PARP4: variants seen among roughly 807,000 people sequenced by gnomAD.
The protein encoded by PARP4 is protein mono-ADP-ribosyltransferase PARP4.
A neutral mutation model predicts 187.7 loss-of-function variants in PARP4; 120 were observed. The ratio of observed to expected loss-of-function variants is 0.64; its 90% confidence interval spans 0.55 to 0.74. The LOEUF (loss-of-function observed/expected upper bound fraction) is 0.74. Ranked by LOEUF, PARP4 falls within the 30% of genes least tolerant of loss-of-function variation. The pLI is 0.00. For missense variants in PARP4, 1,836 were observed against 2,070.5 expected, an observed-to-expected ratio of 0.89 and a Z score of 2.20; for synonymous variants, 654 against 740.9, an observed-to-expected ratio of 0.88 and a Z score of 1.90.
intron 6 of PARP4, among the ~76,000 whole-genome samples, chr13:24,497,703 G>T (rs1213261575): frequency 6.6e-6 from 1 of 152,180 alleles, no homozygotes; most frequent in Non-Finnish European, 1.5e-5. Flanking sequence ...TCAACAACGG[G>T]ATTGTGTTTG....
At position 24,434,975 on chromosome 13, in the gene PARP4, T is replaced by C. The variant is rs768992357; in HGVS notation, c.4166A>G (p.Gln1389Arg). ...QSASCPTGPP[Q>R]NPPSSPYCGI... is the part of the protein sequence containing the mutation. ...ACAATAGGGTGAAGAAGGTGGGTTC[T>C]GGGGAGGTCCTGTGGGACAAGACGC... The change falls in exon 31 of 34, where the codon CAG (glutamine) becomes CGG (arginine). Residue 1389 changes from glutamine to arginine, a missense_variant. By Grantham distance (43) the Gln-to-Arg change is conservative. Coordinates refer to ENST00000381989, the MANE Select transcript of PARP4 (RefSeq NM_006437.4). The C allele has an allele frequency of 6.2e-7, 1 of 1,613,856 alleles. No individual in the cohort carries two copies. Among genetic ancestry groups the C allele is most frequent in the Non-Finnish European group, 8.5e-7 (1 of 1,179,936 alleles).
At chr13:24,495,572 T>A (rs555961125) in intron 6 of PARP4, among the ~76,000 whole-genome samples, 21 of 152,288 alleles carry the variant, frequency 1.4e-4, no homozygotes, top group Non-Finnish European at 2.5e-4. Context: ...TCTGGGCAAC[T>A]CCTGCCTCTG....
intron 17 of PARP4, among the ~76,000 whole-genome samples, chr13:24,467,442 G>C (rs955710932): frequency 6.6e-6 from 1 of 152,142 alleles, no homozygotes; most frequent in Non-Finnish European, 1.5e-5. Flanking sequence ...GCTAAGACTT[G>C]TTTGTTTGTT....
chr13:24,432,196 CAT>C (rs10525303), intron 31 of PARP4, among the ~76,000 whole-genome samples: 51,862 of 151,838 alleles, frequency 0.34, 8,977 homozygotes, highest in Middle Eastern at 0.39. Context: ...GAACATTTAT[CAT>C]GTCTTTGTGT....
chr13:24,459,774 C>T (rs894475997), intron 18 of PARP4, among the ~76,000 whole-genome samples, 198 bp downstream of exon 18: 2 of 152,136 alleles, frequency 1.3e-5, no homozygotes, highest in African/African-American at 4.8e-5. Context: ...TAAAAATATG[C>T]TTATTGATCA....
chr13:24,475,909 C>T (rs772249150), intron 14 of PARP4, among the ~76,000 whole-genome samples: 1 of 151,950 alleles, frequency 6.6e-6, no homozygotes, highest in Admixed American at 6.5e-5. Flanking sequence ...CTCAGCCTCC[C>T]GAGTAGCTGG....
At chr13:24,424,883 C>T (rs148778450) in intron 33 of PARP4, among the ~76,000 whole-genome samples, 14,045 of 151,308 alleles carry the variant, frequency 0.093, 886 homozygotes, top group Middle Eastern at 0.15. Flanking sequence ...CAGGGTTTCA[C>T]CATGTTAGCC....
In PARP4 at chr13:24,485,440, CCTT is replaced by C. The variant is rs759507145; in HGVS notation, c.1353-695_1353-693del. Among the ~76,000 whole-genome samples, 9 of 152,256 alleles carry C rather than the reference CCTT, an allele frequency of 5.9e-5. No homozygotes were observed. The South Asian group carries it at 8.3e-4, about 14-fold the overall frequency. Reference sequence around the variant, plus strand: ...AGACTAATCCAAGAAAAACTGGCATCCTTCTGATTCATGCAAGTTGTCTTTTGG... The same window carrying C: ...AGACTAATCCAAGAAAAACTGGCATCCTGATTCATGCAAGTTGTCTTTTGG... On this transcript the variant is annotated intron_variant, in intron 11 of 33. Coordinates refer to ENST00000381989, the MANE Select transcript of PARP4 (RefSeq NM_006437.4).
intron 15 of PARP4, among the ~76,000 whole-genome samples, chr13:24,471,828 A>T (rs1483252285): frequency 1.3e-5 from 2 of 152,200 alleles, no homozygotes; most frequent in Non-Finnish European, 2.9e-5. Flanking sequence ...TGTTTTGCAC[A>T]CAAAAACAAT....
chr13:24,466,725 C>A (rs1331168994), intron 17 of PARP4, among the ~76,000 whole-genome samples: 1 of 141,412 alleles, frequency 7.1e-6, no homozygotes, highest in Non-Finnish European at 1.5e-5. Flanking sequence ...AACTGGGAGG[C>A]AGAGGTTAGG....
intron 12 of PARP4, among the ~76,000 whole-genome samples, chr13:24,479,007 T>G (rs1873126471): frequency 6.6e-6 from 1 of 152,130 alleles, no homozygotes; most frequent in African/African-American, 2.4e-5. Flanking sequence ...TAAGAACTGG[T>G]CAAAGGGAAA....
chr13:24,477,241 A>T (rs1353024157), intron 14 of PARP4, among the ~76,000 whole-genome samples: 1 of 152,194 alleles, frequency 6.6e-6, no homozygotes, highest in East Asian at 1.9e-4. Context: ...GCATTTTGGG[A>T]TACCAAGGCA....
At position 24,456,417 on chromosome 13, in the gene PARP4, A is replaced by C; in HGVS notation, c.2486T>G (p.Phe829Cys). 3.1e-6 allele frequency: 5 copies of C among 1,612,080 alleles called. No homozygotes were observed. Among genetic ancestry groups the C allele is most frequent in the Non-Finnish European group, 4.2e-6 (5 of 1,178,558 alleles). ...AGCAGACAAACCGATGTGGAGAGAAAATCCACTGCTGTCTAAGGAGCTGCC... is the reference window on the plus strand; with the variant it reads ...AGCAGACAAACCGATGTGGAGAGAACATCCACTGCTGTCTAAGGAGCTGCC... The part of the protein sequence containing the change: ...MEGSSLDSSG[F>C]SLHIGLSAAY... The change falls in exon 21 of 34, where the codon TTT becomes TGT. Residue 829 changes from phenylalanine (F) to cysteine (C), a missense_variant. Phe to Cys is a radical substitution (Grantham distance 205, BLOSUM62 -2). Coordinates refer to ENST00000381989, the MANE Select transcript of PARP4 (RefSeq NM_006437.4).
chr13:24,455,707 T>C (rs1196101773), intron 21 of PARP4, among the ~76,000 whole-genome samples: 12 of 139,838 alleles, frequency 8.6e-5, no homozygotes, highest in South Asian at 7.6e-4. Context: ...AACCTCAACC[T>C]CCTGGACTCA....
chr13:24,456,567 G>A (rs1414701584), intron 20 of PARP4, 89 bp from the exon 21 acceptor site: 2 of 1,183,908 alleles, frequency 1.7e-6, no homozygotes, highest in Admixed American at 2.4e-5. Context: ...GCAAACCCTT[G>A]CATAGCTTAC....
At chr13:24,479,329 T>C (rs1251439471) in intron 12 of PARP4, among the ~76,000 whole-genome samples, 1 of 152,178 alleles carries the variant, frequency 6.6e-6, no homozygotes, top group Non-Finnish European at 1.5e-5. Context: ...TCCTGCAACT[T>C]ACAAGCATGC....
intron 10 of PARP4, among the ~76,000 whole-genome samples, chr13:24,487,040 T>C (rs1459891843): frequency 6.7e-6 from 1 of 149,640 alleles, no homozygotes; most frequent in Non-Finnish European, 1.5e-5. Flanking sequence ...GGTGGGCGGA[T>C]CATGAGGTCA....
At chr13:24,477,330 G>A (rs1285589387) in intron 14 of PARP4, among the ~76,000 whole-genome samples, 3 of 151,888 alleles carry the variant, frequency 2.0e-5, no homozygotes, top group East Asian at 1.9e-4. Context: ...AAAAAGTCAC[G>A]GATGGTAGTC....
intron 9 of PARP4, among the ~76,000 whole-genome samples, chr13:24,492,207 C>T (rs1868692337): frequency 6.6e-6 from 1 of 152,208 alleles, no homozygotes; most frequent in Admixed American, 6.5e-5. Flanking sequence ...CCTATTTCTG[C>T]ACTTATGTCA....
Sources: allele counts gnomAD v4.1 joint callset (sites outside exome capture counted in the v4.1 genomes callset), GRCh38; gene constraint gnomAD v4.1.1; transcripts MANE v1.5; gene names NCBI Gene and HGNC (gene_info 2026-07-23, HGNC 2026-07-21).